ZNF90: variants seen among roughly 807,000 people sequenced by gnomAD.
ZNF90 encodes zinc finger protein 90.
A neutral mutation model predicts 12.0 loss-of-function variants in ZNF90; 11 were observed. The ratio of observed to expected loss-of-function variants is 0.92; its 90% CI spans 0.58 to 1.52. ZNF90 has a LOEUF of 1.52. ZNF90 is among the 40% of genes most tolerant of loss of function. The pLI is 0.00. For synonymous variants in ZNF90, 232 were observed against 240.1 expected, an observed-to-expected ratio of 0.97 and a Z score of 0.31; for missense variants, 765 against 711.5, an observed-to-expected ratio of 1.08 and a Z score of -0.86.
At chr19:20,102,198 A>G (rs1015879103) in intron 1 of ZNF90, among the ~76,000 whole-genome samples, 1 of 152,198 alleles carries the variant, frequency 6.6e-6, no homozygotes, top group African/African-American at 2.4e-5. Context: ...TCTCTATTTT[A>G]AAGTTCAACT....
chr19:20,105,364 C>G (rs782632011), intron 3 of ZNF90, 48 bp downstream of exon 3: 7 of 1,477,624 alleles, frequency 4.7e-6, no homozygotes, highest in Non-Finnish European at 6.5e-6. Flanking sequence ...GATAAGAGGT[C>G]CCAAGGTCAA....
In ZNF90 at chr19:20,120,205, A is replaced by T. The variant is rs1427462249; in HGVS notation, c.*845A>T. On this transcript the variant is annotated 3_prime_UTR_variant, in exon 4 of 4. Transcript: ENST00000418063. ...GAGAAAAATTGCACAATTATAAAAA[A>T]TATGGAAAACCCATTAATGCCTACT... Among the ~76,000 whole-genome samples the T allele has an allele frequency of 6.6e-6, 1 of 152,238 alleles. No homozygotes were observed. Among genetic ancestry groups the T allele is most frequent in the Non-Finnish European group, 1.5e-5 (1 of 68,044 alleles).
chr19:20,118,887 A>G lies in ZNF90; in HGVS notation c.1333A>G (p.Ile445Val), dbSNP rs2089169929. The change falls in exon 4 of 4, where the codon ATA becomes GTA. Residue 445 changes from isoleucine (I) to valine (V), a missense_variant. Coordinates refer to ENST00000418063, the MANE Select transcript of ZNF90 (RefSeq NM_007138.2). ...KRSSALSTHK[I>V]IHSGEKPYKC... is the part of the protein sequence containing the mutation. ...CTCCTCAGCCCTTAGCACACATAAG[A>G]TAATTCATAGTGGAGAGAAACCCTA... 1.2e-6 allele frequency: 2 copies of G among 1,612,318 alleles called. No homozygotes were observed. The highest frequency in any genetic ancestry group is 1.1e-5 in the South Asian group (1 of 90,814).
chr19:20,087,930 C>T (rs969941692), intron 1 of ZNF90, among the ~76,000 whole-genome samples: 3 of 151,940 alleles, frequency 2.0e-5, no homozygotes, highest in Non-Finnish European at 4.4e-5. Flanking sequence ...CAGGATGAGC[C>T]AGGAAAAGGA....
intron 3 of ZNF90, among the ~76,000 whole-genome samples, chr19:20,115,040 C>T (rs2089124739): frequency 1.3e-5 from 2 of 152,190 alleles, no homozygotes; most frequent in African/African-American, 2.4e-5. Flanking sequence ...TATTGTTTAA[C>T]ATCTTTTTGA....
intron 1 of ZNF90, among the ~76,000 whole-genome samples, chr19:20,080,886 G>T (rs1202271796): frequency 6.6e-6 from 1 of 152,180 alleles, no homozygotes; most frequent in Non-Finnish European, 1.5e-5. Flanking sequence ...AAACTCTGCA[G>T]ATTTGGTGCC....
At chr19:20,110,718 G>A (rs2089081660) in intron 3 of ZNF90, among the ~76,000 whole-genome samples, 1 of 152,098 alleles carries the variant, frequency 6.6e-6, no homozygotes. Context: ...AATTTATAGT[G>A]GCCATTCTAA....
At chr19:20,093,837 C>T (rs989622091) in intron 1 of ZNF90, among the ~76,000 whole-genome samples, 1 of 152,116 alleles carries the variant, frequency 6.6e-6, no homozygotes, top group South Asian at 2.1e-4. Flanking sequence ...AGCTCGGCGT[C>T]CATGATGGTC....
chr19:20,113,329 T>C (rs2089106530), intron 3 of ZNF90, among the ~76,000 whole-genome samples: 1 of 152,052 alleles, frequency 6.6e-6, no homozygotes, highest in Non-Finnish European at 1.5e-5. Context: ...TAGCTGGGAT[T>C]ACATTCGTGC....
At chr19:20,078,220 C>T (rs1410556275) in intron 1 of ZNF90, 85 bp downstream of exon 1, 2 of 1,558,370 alleles carry the variant, frequency 1.3e-6, no homozygotes, top group Admixed American at 3.4e-5. Context: ...CTTAGGCCTC[C>T]CCGCAGTCAG....
intron 1 of ZNF90, among the ~76,000 whole-genome samples, chr19:20,090,962 T>G (rs947976880): frequency 1.1e-4 from 17 of 152,142 alleles, no homozygotes; most frequent in Non-Finnish European, 2.2e-4. Context: ...AAGTTTCCAC[T>G]GAATACCAAG....
At chr19:20,084,200 C>T (rs1268537558) in intron 1 of ZNF90, among the ~76,000 whole-genome samples, 5 of 151,912 alleles carry the variant, frequency 3.3e-5, no homozygotes, top group African/African-American at 1.2e-4. Flanking sequence ...ACTACAGGTG[C>T]TGGCCACCAC....
rs2089173482 is a variant in ZNF90 at position 20,119,133 on chromosome 19, CATAAG to C, written c.1584_1588del (p.Lys528AsnfsTer11). 1 of 1,613,226 alleles carries C rather than the reference CATAAG, an allele frequency of 6.2e-7. No homozygotes were observed. The highest frequency in any genetic ancestry group is 1.3e-5 in the African/African-American group (1 of 74,946). ...CAAGCGCTCCTCAGTCCTTAGTAAA[CATAAG>C]ATAATTCATACTGGAGCGAAACCCT... On this transcript the variant is annotated frameshift_variant, in exon 4 of 4. Coordinates refer to ENST00000418063, the MANE Select transcript of ZNF90 (RefSeq NM_007138.2). LOFTEE classifies it low-confidence loss of function (END_TRUNC).
intron 1 of ZNF90, among the ~76,000 whole-genome samples, chr19:20,100,832 G>A (rs1685115718): frequency 6.6e-6 from 1 of 152,176 alleles, no homozygotes; most frequent in Non-Finnish European, 1.5e-5. Flanking sequence ...AGTAAAGAGA[G>A]CTCACGAAAA....
chr19:20,094,585 G>A (rs1038826898), intron 1 of ZNF90, among the ~76,000 whole-genome samples: 3 of 152,136 alleles, frequency 2.0e-5, no homozygotes, highest in African/African-American at 7.2e-5. Flanking sequence ...TTGCCTGATG[G>A]TTCCATTGGG....
chr19:20,098,907 G>C (rs1200352759), intron 1 of ZNF90, among the ~76,000 whole-genome samples: 2 of 152,096 alleles, frequency 1.3e-5, no homozygotes, highest in Non-Finnish European at 2.9e-5. Context: ...TGATAAACAC[G>C]GAGATCTGGA....
rs190270948 is a variant in ZNF90, at chr19:20,102,044, A to G, written c.4-2195A>G. Among the ~76,000 whole-genome samples the G allele has an allele frequency of 4.6e-5, 7 of 152,336 alleles. No individual in the cohort carries two copies. In the East Asian group the frequency reaches 1.3e-3, roughly 29 times the overall value. ...TCTTAGCAAGAATTTATGATCCTCA[A>G]TGTGGGATACAGTAAATTTGTCCTC... is the stretch of plus-strand genomic sequence containing the variant. On this transcript the variant is annotated intron_variant, in intron 1 of 3. Coordinates refer to ENST00000418063, the MANE Select transcript of ZNF90 (RefSeq NM_007138.2).
At chr19:20,103,461 C>T (rs569008031) in intron 1 of ZNF90, among the ~76,000 whole-genome samples, 14 of 152,244 alleles carry the variant, frequency 9.2e-5, no homozygotes, top group Admixed American at 2.6e-4. Context: ...TTCTTCTGTG[C>T]GCATTAGCAC....
Position 20,118,239 on chromosome 19 carries a change from T to C in ZNF90, c.685T>C (p.Tyr229His), listed in dbSNP as rs1221237484. ...GAGAATTCATACTGGAGAGAAACGGTACAAATGTGAAGATTGTGGCAAAGA... is the reference window on the plus strand; with the variant it reads ...GAGAATTCATACTGGAGAGAAACGGCACAAATGTGAAGATTGTGGCAAAGA... ...HKRIHTGEKR[Y>H]KCEDCGKELK... The change falls in exon 4 of 4, where the codon TAC becomes CAC. Residue 229 changes from tyrosine (Y) to histidine (H), a missense_variant. Transcript: ENST00000418063. 6.3e-7 allele frequency: 1 copy of C among 1,585,260 alleles called. No individual in the cohort carries two copies. Among genetic ancestry groups the C allele is most frequent in the Non-Finnish European group, 8.6e-7 (1 of 1,164,990 alleles).
Sources: gnomAD v4.1 joint callset for allele counts (sites outside exome capture counted in the v4.1 genomes callset) on GRCh38, gnomAD v4.1.1 for gene constraint, MANE v1.5 for transcripts, NCBI Gene and HGNC (gene_info 2026-07-23, HGNC 2026-07-21) for gene names.